The following LAMTOR3 variants were observed in gnomAD, a reference collection of about 807,000 sequenced individuals.
LAMTOR3 encodes late endosomal/lysosomal adaptor, MAPK and MTOR activator 3, also known as ragulator complex protein LAMTOR3.
In LAMTOR3, 14 loss-of-function variants were observed where a neutral mutation model predicts 20.3. The observed-to-expected ratio is 0.69, with a 90% confidence interval of 0.46 to 1.08. LAMTOR3 has a LOEUF of 1.08. LAMTOR3 is among the 50% of genes least tolerant of loss of function. LAMTOR3 has a pLI of 0.00. For missense variants in LAMTOR3, 125 were observed against 143.7 expected (o/e 0.87, Z 0.67); for synonymous variants, 40 against 49.4 (o/e 0.81, Z 0.80).
intron 2 of LAMTOR3, among the ~76,000 whole-genome samples, chr4:99,892,597 G>A (rs887919084): frequency 4.0e-5 from 6 of 151,746 alleles, no homozygotes; most frequent in Admixed American, 2.6e-4. Flanking sequence ...ATGAAACAGT[G>A]TAAGGCATAT....
intron 4 of LAMTOR3, among the ~76,000 whole-genome samples, chr4:99,885,970 T>C (rs1016511271): frequency 6.6e-6 from 1 of 152,212 alleles, no homozygotes; most frequent in African/African-American, 2.4e-5. Context: ...ATTAATCAAG[T>C]ACATTTAACT....
chr4:99,886,276 A>G (rs1190089902), intron 4 of LAMTOR3, among the ~76,000 whole-genome samples: 1 of 152,236 alleles, frequency 6.6e-6, no homozygotes, highest in East Asian at 1.9e-4. Flanking sequence ...ATCTGTCCAC[A>G]GCCATTCAAC....
intron 6 of LAMTOR3, 83 bp downstream of exon 6, chr4:99,883,979 A>G (rs1018453587): frequency 4.0e-6 from 4 of 1,001,484 alleles, no homozygotes; most frequent in Non-Finnish European, 6.0e-6. Flanking sequence ...TAAATCTACT[A>G]TTCCTCTTAA....
At chr4:99,891,006 T>C (rs1191196798) in intron 3 of LAMTOR3, among the ~76,000 whole-genome samples, 1 of 152,212 alleles carries the variant, frequency 6.6e-6, no homozygotes, top group African/African-American at 2.4e-5. Flanking sequence ...GATGATGTAA[T>C]TAGAATCAAT....
rs1560719866 is a variant in LAMTOR3, at chr4:99,885,679, G to A, written c.104-4C>T. The A allele has an allele frequency of 2.5e-6, 4 of 1,608,818 alleles. No individual in the cohort carries two copies. The highest frequency in any genetic ancestry group is 2.5e-6 in the Non-Finnish European group (3 of 1,177,736). ...TCTGGAGCATTGTCATTTGCCACTA[G>A]AAAAATAAGTGATTTAAATAAAAAT... On this transcript the variant is annotated splice_region_variant and splice_polypyrimidine_tract_variant and intron_variant, in intron 4 of 6. Transcript: ENST00000499666.
chr4:99,883,039 T>C (rs1724857159), intron 6 of LAMTOR3, among the ~76,000 whole-genome samples: 1 of 152,074 alleles, frequency 6.6e-6, no homozygotes, highest in Non-Finnish European at 1.5e-5. Context: ...GTTCTGTACA[T>C]TATCATAGTA....
At chr4:99,889,691 C>T (rs1724989522) in intron 3 of LAMTOR3, among the ~76,000 whole-genome samples, 1 of 152,126 alleles carries the variant, frequency 6.6e-6, no homozygotes, top group Non-Finnish European at 1.5e-5. Flanking sequence ...GAAGGATGGG[C>T]AGCTTCTCAC....
Position 99,881,096 on chromosome 4 carries a change from C to T in LAMTOR3, c.*898G>A, listed in dbSNP as rs1296357103. The T allele has an allele frequency of 6.6e-6, 1 of 152,058 alleles. No individual in the cohort carries two copies. The highest frequency in any genetic ancestry group is 1.5e-5 in the Non-Finnish European group (1 of 68,022). The allele number at this position is 152,058 out of a possible 1,614,324, so 9.4% of individuals were successfully genotyped here. On this transcript the variant is annotated 3_prime_UTR_variant, in exon 7 of 7. Transcript: ENST00000499666. ...CCGTAAAACAATCTCCAAACCAATA[C>T]CTACAAGAAACACTCATTATTTATT... is the stretch of plus-strand genomic sequence containing the variant.
intron 3 of LAMTOR3, among the ~76,000 whole-genome samples, chr4:99,889,290 C>T (rs1724982080): frequency 1.3e-5 from 2 of 152,102 alleles, no homozygotes; most frequent in African/African-American, 4.8e-5. Context: ...GATATTTGTA[C>T]ATAAGCCAAT....
chr4:99,882,066 T>C lies in LAMTOR3; in HGVS notation c.303A>G (p.Gly101=). 6.4e-7 allele frequency: 1 copy of C among 1,563,936 alleles called. No homozygotes were observed. ...SFIASSSANT[G]LIVSLEKELA... Reference sequence around the variant, plus strand: ...GTTCCTTTTCTAGGCTGACAATTAGTCCTAAAATAAAGAGATTAAGAAAAT... The same window carrying C: ...GTTCCTTTTCTAGGCTGACAATTAGCCCTAAAATAAAGAGATTAAGAAAAT... Residue 101 remains glycine (G), a splice_region_variant and synonymous_variant, in exon 7 of 7, where the codon GGA becomes GGG. Coordinates refer to ENST00000499666, the MANE Select transcript of LAMTOR3 (RefSeq NM_021970.4).
At chr4:99,893,754 T>C (rs753973845) in intron 2 of LAMTOR3, among the ~76,000 whole-genome samples, 5 of 152,104 alleles carry the variant, frequency 3.3e-5, no homozygotes, top group Non-Finnish European at 5.9e-5. Flanking sequence ...TACACCCCCA[T>C]TCGAGGCAGA....
At chr4:99,883,237 A>G (rs1384833179) in intron 6 of LAMTOR3, among the ~76,000 whole-genome samples, 2 of 152,008 alleles carry the variant, frequency 1.3e-5, no homozygotes, top group African/African-American at 4.8e-5. Context: ...TAGATCATCA[A>G]ATCTAAACCT....
intron 3 of LAMTOR3, among the ~76,000 whole-genome samples, chr4:99,890,238 T>C (rs1044000568): frequency 2.0e-5 from 3 of 152,226 alleles, no homozygotes; most frequent in Non-Finnish European, 4.4e-5. Context: ...AATTATGAAA[T>C]ATTTGGTTGT....
intron 4 of LAMTOR3, among the ~76,000 whole-genome samples, chr4:99,887,023 G>A (rs1228323549): frequency 2.6e-5 from 4 of 152,004 alleles, no homozygotes; most frequent in East Asian, 1.9e-4. Context: ...AATGGTTTAC[G>A]TTACACTGTA....
chr4:99,892,853 T>G (rs1247883672), intron 2 of LAMTOR3, among the ~76,000 whole-genome samples: 4 of 152,136 alleles, frequency 2.6e-5, no homozygotes, highest in Non-Finnish European at 2.9e-5. Context: ...TAATTTTTTG[T>G]ATTTTTAGAA....
At position 99,892,680 on chromosome 4, in the gene LAMTOR3, A is replaced by ATTTT. The variant is rs368209166; in HGVS notation, c.10-650_10-647dup. 5.2e-4 allele frequency among the ~76,000 whole-genome samples: 75 copies of ATTTT among 143,504 alleles called. 4 individuals are homozygous for ATTTT. The highest frequency in any genetic ancestry group is 2.0e-3 in the South Asian group (9 of 4,532). The allele number at this position is 143,504 out of a possible 152,430, so 94.1% of individuals were successfully genotyped here. On this transcript the variant is annotated intron_variant, in intron 2 of 6. Transcript: ENST00000499666. ...ATTCTATATGACTATGTGAGGCAAC[A>ATTTT]TTTTTTTTTTTTTTTGAGACGGAGT...
At chr4:99,882,796 A>G (rs1724852991) in intron 6 of LAMTOR3, among the ~76,000 whole-genome samples, 1 of 152,082 alleles carries the variant, frequency 6.6e-6, no homozygotes, top group African/African-American at 2.4e-5. Flanking sequence ...AAATGAAAAA[A>G]TATTTTAAAA....
intron 3 of LAMTOR3, among the ~76,000 whole-genome samples, chr4:99,891,626 A>G (rs1330266252): frequency 6.6e-6 from 1 of 152,216 alleles, no homozygotes; most frequent in Admixed American, 6.5e-5. Flanking sequence ...AGAAAAAGAG[A>G]TAATAAAAAG....
At chr4:99,887,419 A>T in intron 3 of LAMTOR3, 65 bp from the exon 4 acceptor site, 2 of 732,168 alleles carry the variant, frequency 2.7e-6, no homozygotes, top group Non-Finnish European at 2.0e-6. Flanking sequence ...AAGTTAAAAT[A>T]TAAAATATTT....
Sources: allele counts gnomAD v4.1 joint callset (sites outside exome capture counted in the v4.1 genomes callset), GRCh38; gene constraint gnomAD v4.1.1; transcripts MANE v1.5; gene names NCBI Gene and HGNC (gene_info 2026-07-23, HGNC 2026-07-21).